The following MAST4 variants were observed in gnomAD, a reference collection of about 807,000 sequenced individuals.
The protein encoded by MAST4 is microtubule associated serine/threonine kinase family member 4, also known as microtubule-associated serine/threonine-protein kinase 4.
A neutral mutation model predicts 162.7 loss-of-function variants in MAST4; 89 were observed. That is an observed-to-expected ratio of 0.55 (90% CI 0.46 to 0.65). MAST4 has a LOEUF of 0.65. MAST4 is among the 30% of genes least tolerant of loss of function. The pLI, the probability that MAST4 is intolerant of heterozygous loss-of-function variation, is 0.00. For missense variants in MAST4, 3,153 were observed against 3,374.0 expected, an observed-to-expected ratio of 0.93 and a Z score of 1.62; for synonymous variants, 1,479 against 1,361.1, an observed-to-expected ratio of 1.09 and a Z score of -1.91.
rs773407191 is a variant in MAST4, at chr5:67,166,587, G to A, written c.7408G>A (p.Ala2470Thr). 2 of 1,602,820 alleles carry A rather than the reference G, an allele frequency of 1.2e-6. No individual in the cohort carries two copies. Among genetic ancestry groups the A allele is most frequent in the South Asian group, 1.1e-5 (1 of 88,904 alleles). ...SCSSSFPETR[A>T]GVREASAASS... ...CTCCTCCAGCTTCCCTGAAACCAGG[G>A]CCGGAGTTAGAGAGGCCTCTGCAGC... Residue 2470 changes from alanine to threonine, a missense_variant, in exon 29 of 29, where the codon GCC becomes ACC. Around this residue, in one of 7 missense-constraint regions of MAST4, gnomAD observed 1,644 missense variants for 1,495.0 expected, o/e 1.10. Coordinates refer to ENST00000403625, the MANE Select transcript of MAST4 (RefSeq NM_001164664.2).
intron 5 of MAST4, among the ~76,000 whole-genome samples, chr5:67,054,781 A>G (rs1291816915): frequency 2.0e-5 from 3 of 152,212 alleles, no homozygotes; most frequent in Non-Finnish European, 4.4e-5. Flanking sequence ...CATGTTAGGA[A>G]TATCCTTGGG....
At chr5:66,958,976 C>G (rs1745654513) in intron 4 of MAST4, 1 of 357,264 alleles carries the variant, frequency 2.8e-6, no homozygotes, top group Non-Finnish European at 5.1e-6. Context: ...AAAAAAAAAT[C>G]AGAAACCAAT....
chr5:66,983,641 T>A (rs528788065), intron 4 of MAST4, among the ~76,000 whole-genome samples: 213 of 152,240 alleles, frequency 1.4e-3, no homozygotes, highest in South Asian at 2.5e-3. Context: ...AGTAAATAGT[T>A]TCTACAAAAC....
intron 4 of MAST4, among the ~76,000 whole-genome samples, chr5:66,966,796 C>T (rs938384938): frequency 6.6e-6 from 1 of 152,214 alleles, no homozygotes; most frequent in African/African-American, 2.4e-5. Flanking sequence ...ATAAAGGTGC[C>T]CCATAGCAGG....
At chr5:66,755,385 C>T (rs1354642012) in intron 1 of MAST4, among the ~76,000 whole-genome samples, 4 of 152,174 alleles carry the variant, frequency 2.6e-5, no homozygotes. Flanking sequence ...AATTACAGAA[C>T]CCATGTGCTT....
intron 10 of MAST4, 106 bp from the exon 11 acceptor site, chr5:67,109,992 C>T (rs1231704926): frequency 1.8e-5 from 14 of 761,828 alleles, no homozygotes; most frequent in East Asian, 5.1e-5. Flanking sequence ...CTAAATTACT[C>T]GATTTTTGAA....
intron 12 of MAST4, among the ~76,000 whole-genome samples, chr5:67,118,287 C>A (rs1440821304): frequency 6.6e-6 from 1 of 152,200 alleles, no homozygotes; most frequent in Non-Finnish European, 1.5e-5. Context: ...ACTTAAGAAT[C>A]ATTCCCTAGT....
intron 4 of MAST4, among the ~76,000 whole-genome samples, chr5:67,012,032 G>A (rs954665850): frequency 1.3e-5 from 2 of 152,228 alleles, no homozygotes; most frequent in African/African-American, 4.8e-5. Context: ...GTTTCTGTGT[G>A]TGTCTTCACT....
intron 4 of MAST4, chr5:66,963,961 C>T: frequency 4.2e-6 from 3 of 708,486 alleles, no homozygotes; most frequent in Admixed American, 2.0e-5. Flanking sequence ...AGCATATTTA[C>T]TCATATTTCA....
chr5:67,075,834 A>G (rs1159606015), intron 5 of MAST4, among the ~76,000 whole-genome samples: 3 of 152,210 alleles, frequency 2.0e-5, no homozygotes, highest in African/African-American at 4.8e-5. Flanking sequence ...ATAACATTTG[A>G]AGTTTTTTTA....
At chr5:66,663,289 T>G (rs1009345001) in intron 1 of MAST4, among the ~76,000 whole-genome samples, 6 of 152,232 alleles carry the variant, frequency 3.9e-5, no homozygotes, top group African/African-American at 1.4e-4. Flanking sequence ...GATACATTTA[T>G]TTTTTAGGAG....
intron 4 of MAST4, among the ~76,000 whole-genome samples, chr5:66,956,711 G>A (rs1235800137): frequency 1.3e-5 from 2 of 152,062 alleles, no homozygotes; most frequent in Admixed American, 6.6e-5. Flanking sequence ...TCCTATTGAT[G>A]CTTGATTATC....
intron 12 of MAST4, among the ~76,000 whole-genome samples, chr5:67,116,887 A>G (rs1005965126): frequency 1.8e-4 from 27 of 152,140 alleles, no homozygotes; most frequent in African/African-American, 6.5e-4. Flanking sequence ...CAGCGTCTAA[A>G]CTAACATACC....
chr5:66,596,940 G>GCCA lies in MAST4; in HGVS notation c.287_288insACC (p.Pro98dup), dbSNP rs1479776706. The stretch of plus-strand genomic sequence containing the variant: ...TGCTGGAGCGCGGAGTCCTTGCGCT[G>GCCA]CCGCCGCCGCTTCCCGGAGGAGCTG... On this transcript the variant is annotated inframe_insertion, in exon 1 of 29. Transcript: ENST00000403625. The GCCA allele has an allele frequency of 1.5e-6, 2 of 1,339,374 alleles. No individual in the cohort carries two copies. The highest frequency in any genetic ancestry group is 1.7e-5 in the South Asian group (1 of 59,512). 83.0% of individuals were successfully genotyped at this position (1,339,374 alleles called of 1,614,324 possible). A position where few individuals can be genotyped will look rare whatever the true frequency, so the allele number is the denominator to read the frequency against.
chr5:67,127,593 C>T (rs1210737301), intron 14 of MAST4, among the ~76,000 whole-genome samples: 2 of 151,998 alleles, frequency 1.3e-5, no homozygotes, highest in Non-Finnish European at 1.5e-5. Context: ...CTGACTTGAT[C>T]GCGGTGGATA....
At chr5:66,747,986 C>G (rs141857451) in intron 1 of MAST4, among the ~76,000 whole-genome samples, 71 of 152,174 alleles carry the variant, frequency 4.7e-4, no homozygotes, top group African/African-American at 1.6e-3. Flanking sequence ...GCAGATGGAC[C>G]CGTGAAGTCT....
chr5:67,126,702 G>C (rs1768276998), intron 14 of MAST4, among the ~76,000 whole-genome samples: 1 of 152,064 alleles, frequency 6.6e-6, no homozygotes, highest in South Asian at 2.1e-4. Context: ...TGTTCTTTTG[G>C]CTTAGGATTG....
intron 4 of MAST4, among the ~76,000 whole-genome samples, chr5:67,033,208 A>C (rs1223418338): frequency 6.6e-6 from 1 of 151,542 alleles, no homozygotes; most frequent in African/African-American, 2.4e-5. Flanking sequence ...ACTCTTGCTG[A>C]CTTGATAACA....
At chr5:67,160,352 T>G in intron 26 of MAST4, 104 bp from the exon 27 acceptor site, 1 of 1,194,968 alleles carries the variant, frequency 8.4e-7, no homozygotes, top group Non-Finnish European at 1.1e-6. Flanking sequence ...GCCTTTTATA[T>G]GTATGTTCCT....
Sources: gnomAD v4.1 joint callset for allele counts (sites outside exome capture counted in the v4.1 genomes callset) on GRCh38, gnomAD v4.1.1 for gene constraint, gnomAD v4.1.1 regional missense constraint, MANE v1.5 for transcripts, NCBI Gene and HGNC (gene_info 2026-07-23, HGNC 2026-07-21) for gene names.